The following GATAD2A variants were observed in gnomAD, a reference collection of about 807,000 sequenced individuals.
The protein encoded by GATAD2A is GATA zinc finger domain containing 2A.
GATAD2A carries 12 observed loss-of-function variants against 68.5 expected under a neutral mutation model. The ratio of observed to expected loss-of-function variants is 0.18; its 90% CI spans 0.11 to 0.28. The LOEUF (loss-of-function observed/expected upper bound fraction) is 0.28, where lower values mean the gene tolerates loss of function less well. GATAD2A is among the 10% of genes least tolerant of loss of function. The pLI is 1.00. For synonymous variants in GATAD2A, 410 were observed against 375.3 expected (o/e 1.09, Z -1.07); for missense variants, 755 against 868.5 (o/e 0.87, Z 1.64).
chr19:19,396,520 C>T (rs1012055053), intron 1 of GATAD2A, among the ~76,000 whole-genome samples: 1 of 152,092 alleles, frequency 6.6e-6, no homozygotes, highest in Non-Finnish European at 1.5e-5. Flanking sequence ...GTAGCTTTAA[C>T]CCCTACAGCC....
intron 1 of GATAD2A, among the ~76,000 whole-genome samples, chr19:19,407,053 T>C (rs2050361322): frequency 6.6e-6 from 1 of 152,208 alleles, no homozygotes; most frequent in African/African-American, 2.4e-5. Flanking sequence ...GTTTACTTCT[T>C]TCAGTTTTCT....
intron 2 of GATAD2A, among the ~76,000 whole-genome samples, chr19:19,490,049 G>A (rs1317958220): frequency 6.6e-6 from 1 of 152,228 alleles, no homozygotes; most frequent in African/African-American, 2.4e-5. Flanking sequence ...CCTGAGTGAG[G>A]TGTCCTGGGT....
At chr19:19,495,292 C>T (rs1454946840) in intron 5 of GATAD2A, among the ~76,000 whole-genome samples, 1 of 150,248 alleles carries the variant, frequency 6.7e-6, no homozygotes, top group Non-Finnish European at 1.5e-5. Flanking sequence ...CCACACCCAG[C>T]CAGCTTTTTT....
At chr19:19,428,706 A>G (rs909318161) in intron 1 of GATAD2A, among the ~76,000 whole-genome samples, 1 of 152,092 alleles carries the variant, frequency 6.6e-6, no homozygotes, top group Non-Finnish European at 1.5e-5. Flanking sequence ...AGAACTGTGA[A>G]TGGGGTTTTA....
At chr19:19,411,163 A>G (rs1033929276) in intron 1 of GATAD2A, among the ~76,000 whole-genome samples, 14 of 152,194 alleles carry the variant, frequency 9.2e-5, no homozygotes, top group Non-Finnish European at 2.1e-4. Flanking sequence ...GAAGAAGGCA[A>G]AGTTCCCCAC....
chr19:19,470,754 A>AC (rs1279505938), intron 2 of GATAD2A, among the ~76,000 whole-genome samples: 1 of 150,154 alleles, frequency 6.7e-6, no homozygotes, highest in African/African-American at 2.4e-5. Context: ...GTAAAAAACA[A>AC]AAAAAAAAGG....
Position 19,412,469 on chromosome 19 carries a change from T to TA in GATAD2A, c.-7+6463dup, listed in dbSNP as rs939414715. The stretch of plus-strand genomic sequence containing the variant: ...CGTGCCCGGCCGATTCCCCATCTCT[T>TA]AAAAAAAAAAAAATTAGCCAGGTGT... On this transcript the variant is annotated intron_variant, in intron 1 of 11. Coordinates refer to ENST00000683918, the MANE Select transcript of GATAD2A (RefSeq NM_001384528.1). 8.6e-4 allele frequency among the ~76,000 whole-genome samples: 124 copies of TA among 145,020 alleles called. 2 individuals carry two copies. Among genetic ancestry groups the TA allele is most frequent in the Admixed American group, 9.6e-4 (14 of 14,522 alleles).
At chr19:19,495,522 T>G (rs1443342214) in intron 5 of GATAD2A, among the ~76,000 whole-genome samples, 1 of 151,666 alleles carries the variant, frequency 6.6e-6, no homozygotes, top group Non-Finnish European at 1.5e-5. Context: ...TTGGCCAGGC[T>G]GGTCTCAAAC....
intron 8 of GATAD2A, among the ~76,000 whole-genome samples, chr19:19,499,530 C>A (rs920126871): frequency 6.6e-6 from 1 of 151,966 alleles, no homozygotes; most frequent in South Asian, 2.1e-4. Context: ...AGAAGCACCT[C>A]CCGCGCACTG....
intron 2 of GATAD2A, among the ~76,000 whole-genome samples, chr19:19,470,155 G>GTTT (rs377538131): frequency 2.2e-5 from 3 of 134,098 alleles, no homozygotes; most frequent in Non-Finnish European, 3.2e-5. Context: ...TTTTTTTTTT[G>GTTT]TTTTTTTTTT....
chr19:19,475,009 G>A (rs1013084456), intron 2 of GATAD2A, among the ~76,000 whole-genome samples: 2 of 152,226 alleles, frequency 1.3e-5, no homozygotes, highest in Non-Finnish European at 2.9e-5. Flanking sequence ...GTCACATAGC[G>A]GATGCTCGGA....
At chr19:19,411,120 C>T (rs750323104) in intron 1 of GATAD2A, among the ~76,000 whole-genome samples, 2 of 152,204 alleles carry the variant, frequency 1.3e-5, no homozygotes, top group African/African-American at 4.8e-5. Context: ...CAGCTTTGTG[C>T]CCCAGCCTAT....
rs193058519 is a variant in GATAD2A at position 19,412,242 on chromosome 19, G to C, written c.-7+6223G>C. 4.8e-3 allele frequency among the ~76,000 whole-genome samples: 722 copies of C among 151,378 alleles called. 6 individuals carry two copies. The highest frequency in any genetic ancestry group is 0.041 in the South Asian group (197 of 4,792). ...GCGATCTCAGCTCACTGCAAGCTCC[G>C]CCTCCGGGGTTCATGCCATTCTCCT... On this transcript the variant is annotated intron_variant, in intron 1 of 11. Coordinates refer to ENST00000683918, the MANE Select transcript of GATAD2A (RefSeq NM_001384528.1).
chr19:19,452,804 C>T (rs1374860120), intron 1 of GATAD2A, among the ~76,000 whole-genome samples: 1 of 152,162 alleles, frequency 6.6e-6, no homozygotes, highest in Non-Finnish European at 1.5e-5. Flanking sequence ...AGGTTACCTG[C>T]CTGTCCAGAT....
At position 19,505,621 on chromosome 19, in the gene GATAD2A, C is replaced by G. The variant is rs2060835002; in HGVS notation, c.*147C>G. The G allele has an allele frequency of 1.5e-6, 1 of 678,358 alleles. No individual in the cohort carries two copies. Among genetic ancestry groups the G allele is most frequent in the African/African-American group, 1.9e-5 (1 of 52,512 alleles). 42.0% of individuals were successfully genotyped at this position (678,358 alleles called of 1,614,324 possible). On this transcript the variant is annotated 3_prime_UTR_variant, in exon 12 of 12. Coordinates refer to ENST00000683918, the MANE Select transcript of GATAD2A (RefSeq NM_001384528.1). Reference sequence around the variant, plus strand: ...CACCGGCCATGCTGCAGAGGCAAGACCTCAATTCTTGGCTGCAAAGTTTCA... The same window carrying G: ...CACCGGCCATGCTGCAGAGGCAAGAGCTCAATTCTTGGCTGCAAAGTTTCA...
At chr19:19,438,060 A>G (rs1489673248) in intron 1 of GATAD2A, among the ~76,000 whole-genome samples, 1 of 152,210 alleles carries the variant, frequency 6.6e-6, no homozygotes, top group South Asian at 2.1e-4. Flanking sequence ...AGGGCTCTCA[A>G]ACTCTTTGGA....
chr19:19,442,454 C>T (rs1438814389), intron 1 of GATAD2A, among the ~76,000 whole-genome samples: 3 of 151,864 alleles, frequency 2.0e-5, no homozygotes, highest in East Asian at 1.9e-4. Context: ...GGTGAAACCC[C>T]GTCTCTACTG....
intron 1 of GATAD2A, among the ~76,000 whole-genome samples, chr19:19,459,682 G>T (rs896561971): frequency 2.6e-5 from 4 of 152,234 alleles, no homozygotes; most frequent in African/African-American, 9.6e-5. Flanking sequence ...AGGGGCAGTG[G>T]CATCCTCTCT....
chr19:19,391,709 A>G (rs2048856197), intron 1 of GATAD2A, among the ~76,000 whole-genome samples: 1 of 152,208 alleles, frequency 6.6e-6, no homozygotes, highest in African/African-American at 2.4e-5. Context: ...ATCTAGGTAC[A>G]TTTATTAGAT....
Sources: gnomAD v4.1 joint callset for allele counts (sites outside exome capture counted in the v4.1 genomes callset) on GRCh38, gnomAD v4.1.1 for gene constraint, MANE v1.5 for transcripts, NCBI Gene and HGNC (gene_info 2026-07-23, HGNC 2026-07-21) for gene names.